Variants in CENPE observed in about 807,000 individuals in gnomAD.
CENPE encodes the protein centromere protein E.
Under a neutral mutation model 336.1 loss-of-function variants are expected in CENPE, and 145 were observed. The observed-to-expected ratio is 0.43, with a 90% CI of 0.38 to 0.50. The LOEUF (loss-of-function observed/expected upper bound fraction) is 0.50, where lower values mean the gene tolerates loss of function less well. Ranked by LOEUF, CENPE falls within the 20% of genes least tolerant of loss-of-function variation. CENPE has a pLI of 0.00. For synonymous variants in CENPE, 1,013 were observed against 984.8 expected (o/e 1.03, Z -0.54); for missense variants, 2,719 against 3,023.3 (o/e 0.90, Z 2.36).
chr4:103,112,592 TTATAAGTATA>T (rs1329744591), intron 46 of CENPE, among the ~76,000 whole-genome samples: 1 of 134,860 alleles, frequency 7.4e-6, no homozygotes, highest in Non-Finnish European at 1.5e-5. Flanking sequence ...GTATACATAC[TTATAAGTATA>T]TATAAGTCTG....
chr4:103,171,970 T>C (rs1400760827), intron 16 of CENPE, among the ~76,000 whole-genome samples: 3 of 151,836 alleles, frequency 2.0e-5, no homozygotes, highest in Non-Finnish European at 4.4e-5. Context: ...CTTGAATCAG[T>C]AATAAAAAGT....
chr4:103,110,046 C>A (rs1353411865), intron 47 of CENPE, among the ~76,000 whole-genome samples: 2 of 152,116 alleles, frequency 1.3e-5, no homozygotes, highest in African/African-American at 4.8e-5. Flanking sequence ...GAAAACTTAT[C>A]CTTCTTCCCT....
At chr4:103,176,863 T>C in intron 14 of CENPE, 36 bp downstream of exon 14, 1 of 1,485,762 alleles carries the variant, frequency 6.7e-7, no homozygotes, top group South Asian at 1.3e-5. Context: ...GATGCTTTTA[T>C]AATTAAACAT....
At chr4:103,190,049 CA>C (rs1757159107) in intron 8 of CENPE, among the ~76,000 whole-genome samples, 1 of 152,052 alleles carries the variant, frequency 6.6e-6, no homozygotes, top group Admixed American at 6.5e-5. Flanking sequence ...ACAATTGCTT[CA>C]AAGAGAATAA....
intron 9 of CENPE, among the ~76,000 whole-genome samples, chr4:103,184,342 C>A (rs1311307879): frequency 6.6e-6 from 1 of 152,152 alleles, no homozygotes; most frequent in Non-Finnish European, 1.5e-5. Flanking sequence ...GCAAGCTAAA[C>A]CATTTAAGCA....
In CENPE at chr4:103,139,919, T is replaced by C; in HGVS notation, c.6074A>G (p.Lys2025Arg). Reference protein sequence around the residue: ...SVRMDNFQLTKKLHESLEEIR... With the variant: ...SVRMDNFQLTRKLHESLEEIR... Reference sequence around the variant, plus strand: ...TTCTTCAAGGCTTTCATGAAGTTTCTTAGTCAACTGGAAGTTATCCATTCT... The same window carrying C: ...TTCTTCAAGGCTTTCATGAAGTTTCCTAGTCAACTGGAAGTTATCCATTCT... The change falls in exon 38 of 49, where the codon AAG becomes AGG. Residue 2025 changes from lysine to arginine, a missense_variant. Physicochemically the swap from Lys to Arg is conservative, Grantham distance 26. Around this residue, in one of 5 missense-constraint regions of CENPE, gnomAD observed 2,437 missense variants for 2,513.3 expected, o/e 0.97. Transcript: ENST00000265148. 2 of 1,613,480 alleles carry C rather than the reference T, an allele frequency of 1.2e-6. No homozygotes were observed. The highest frequency in any genetic ancestry group is 1.7e-6 in the Non-Finnish European group (2 of 1,179,668).
At chr4:103,138,317 A>C in intron 39 of CENPE, 34 bp downstream of exon 39, 3 of 1,412,968 alleles carry the variant, frequency 2.1e-6, no homozygotes, top group Non-Finnish European at 3.0e-6. Flanking sequence ...AAGACAACCA[A>C]TAATCATTTG....
At chr4:103,180,527 T>A in intron 12 of CENPE, 58 bp from the exon 13 acceptor site, 1 of 1,112,130 alleles carries the variant, frequency 9.0e-7, no homozygotes, top group Non-Finnish European at 1.3e-6. Context: ...TTTAAAACCT[T>A]AAAGTAGCAT....
chr4:103,117,405 T>G (rs1229801687), intron 44 of CENPE, among the ~76,000 whole-genome samples: 1 of 152,168 alleles, frequency 6.6e-6, no homozygotes, highest in African/African-American at 2.4e-5. Flanking sequence ...ATCATTACAG[T>G]ATCATACAGA....
chr4:103,145,905 T>C lies in CENPE; in HGVS notation c.4337A>G (p.Asp1446Gly). Reference sequence around the variant, plus strand: ...AAGAACTTCTTGCAGCCTCTGTAGGTCATCTTTCTCCTTAGCTACAGATTT... The same window carrying C: ...AAGAACTTCTTGCAGCCTCTGTAGGCCATCTTTCTCCTTAGCTACAGATTT... Reference protein sequence around the residue: ...EMKSVAKEKDDLQRLQEVLQS... With the variant: ...EMKSVAKEKDGLQRLQEVLQS... The change falls in exon 30 of 49, where the codon GAC becomes GGC. Residue 1446 changes from aspartate to glycine, a missense_variant. Transcript: ENST00000265148. 17 of 1,613,906 alleles carry C rather than the reference T, an allele frequency of 1.1e-5. No individual in the cohort carries two copies. Among genetic ancestry groups the C allele is most frequent in the Non-Finnish European group, 1.4e-5 (17 of 1,179,896 alleles).
At chr4:103,120,075 AAGG>A in intron 44 of CENPE, 70 bp downstream of exon 44, 1 of 1,089,052 alleles carries the variant, frequency 9.2e-7, no homozygotes, top group Non-Finnish European at 1.3e-6. Context: ...AATAGAGCAC[AAGG>A]AGATTTGCTG....
chr4:103,127,207 T>C (rs1751201365), intron 42 of CENPE, among the ~76,000 whole-genome samples: 1 of 140,866 alleles, frequency 7.1e-6, no homozygotes, highest in Non-Finnish European at 1.5e-5. Flanking sequence ...TAAAAAAAAA[T>C]CTTTGAAGAA....
At chr4:103,118,880 T>C (rs775649092) in intron 44 of CENPE, among the ~76,000 whole-genome samples, 10 of 152,204 alleles carry the variant, frequency 6.6e-5, no homozygotes, top group Non-Finnish European at 1.3e-4. Flanking sequence ...CTCTGCTACT[T>C]CTCACCTTAT....
intron 26 of CENPE, among the ~76,000 whole-genome samples, chr4:103,149,965 C>A (rs1057455432): frequency 3.9e-5 from 6 of 152,130 alleles, no homozygotes; most frequent in African/African-American, 1.4e-4. Flanking sequence ...CCCTAGGAAA[C>A]TGATACAGGC....
intron 34 of CENPE, among the ~76,000 whole-genome samples, chr4:103,142,620 T>C (rs1239378223): frequency 1.3e-5 from 2 of 152,212 alleles, no homozygotes; most frequent in Admixed American, 1.3e-4. Context: ...TCTTAATTTC[T>C]GCGTTTCTAC....
At chr4:103,186,645 C>G (rs951995819) in intron 8 of CENPE, among the ~76,000 whole-genome samples, 1 of 152,156 alleles carries the variant, frequency 6.6e-6, no homozygotes, top group South Asian at 2.1e-4. Flanking sequence ...GGTCTCTGCT[C>G]TCATGGAGCT....
At chr4:103,189,762 A>G (rs1199141038) in intron 8 of CENPE, among the ~76,000 whole-genome samples, 1 of 152,182 alleles carries the variant, frequency 6.6e-6, no homozygotes, top group African/African-American at 2.4e-5. Context: ...CACCACTCCT[A>G]TTCAACATAG....
At chr4:103,182,951 T>C (rs1756449254) in intron 10 of CENPE, 60 bp from the exon 11 acceptor site, 1 of 1,535,220 alleles carries the variant, frequency 6.5e-7, no homozygotes, top group African/African-American at 1.4e-5. Flanking sequence ...AATAAAGTAG[T>C]TGGTTTTTAA....
At chr4:103,138,514 T>C in intron 38 of CENPE, 65 bp from the exon 39 acceptor site, 1 of 970,692 alleles carries the variant, frequency 1.0e-6, no homozygotes, top group South Asian at 1.3e-5. Flanking sequence ...TAATGTCTAA[T>C]CGCACACTTC....
Sources: gnomAD v4.1 joint callset for allele counts (sites outside exome capture counted in the v4.1 genomes callset) on GRCh38, gnomAD v4.1.1 for gene constraint, gnomAD v4.1.1 regional missense constraint, MANE v1.5 for transcripts, NCBI Gene and HGNC (gene_info 2026-07-23, HGNC 2026-07-21) for gene names.